CDH18: variants seen among roughly 807,000 people sequenced by gnomAD.
CDH18 encodes the protein cadherin 18, also known as cadherin-18.
In CDH18, 31 loss-of-function variants were observed where a neutral mutation model predicts 67.9. That is an observed-to-expected ratio of 0.46 (90% CI 0.34 to 0.62). The LOEUF is 0.62. CDH18 is among the 20% of genes least tolerant of loss of function. The probability of loss-of-function intolerance (pLI) is 0.01; values close to 1 mark genes in which losing one functional copy is unlikely to be tolerated. For missense variants in CDH18, 890 were observed against 975.5 expected (o/e 0.91, Z 1.17); for synonymous variants, 362 against 347.2 (o/e 1.04, Z -0.48).
chr5:20,290,698 AT>A (rs1236644453), intron 1 of CDH18, among the ~76,000 whole-genome samples: 5 of 152,180 alleles, frequency 3.3e-5, no homozygotes, highest in Non-Finnish European at 7.3e-5. Context: ...CAAAGGTGAT[AT>A]GTTCAAAGCC....
chr5:19,507,212 C>G (rs1366585905), intron 10 of CDH18, among the ~76,000 whole-genome samples: 1 of 152,140 alleles, frequency 6.6e-6, no homozygotes, highest in Non-Finnish European at 1.5e-5. Flanking sequence ...GAGATACCAT[C>G]TCACCCCAGT....
At chr5:20,110,325 T>C (rs982968959) in intron 2 of CDH18, among the ~76,000 whole-genome samples, 1 of 152,230 alleles carries the variant, frequency 6.6e-6, no homozygotes, top group Non-Finnish European at 1.5e-5. Context: ...TAGAAACATA[T>C]GTTTTTGGCC....
intron 1 of CDH18, chr5:20,331,481 C>T (rs1739180335): frequency 6.6e-6 from 1 of 152,158 alleles, no homozygotes; most frequent in Non-Finnish European, 1.5e-5. Context: ...CAATTCGGGC[C>T]TATAAAAGTG....
chr5:20,003,492 TA>T (rs973043785), intron 2 of CDH18, among the ~76,000 whole-genome samples: 1 of 152,008 alleles, frequency 6.6e-6, no homozygotes, highest in African/African-American at 2.4e-5. Flanking sequence ...CCCATCTTTT[TA>T]AAAAAAATGT....
intron 2 of CDH18, among the ~76,000 whole-genome samples, chr5:20,097,385 C>T (rs941030873): frequency 2.0e-5 from 3 of 152,082 alleles, no homozygotes; most frequent in Non-Finnish European, 4.4e-5. Context: ...TAAGTGGTGA[C>T]AGGCAAGAGA....
chr5:20,311,012 C>T (rs889701580), intron 1 of CDH18, among the ~76,000 whole-genome samples: 1 of 152,010 alleles, frequency 6.6e-6, no homozygotes, highest in Non-Finnish European at 1.5e-5. Context: ...AAAGATCATC[C>T]TTGAATAGTT....
intron 2 of CDH18, among the ~76,000 whole-genome samples, chr5:20,192,064 G>A (rs2126720653): frequency 6.6e-6 from 1 of 152,172 alleles, no homozygotes; most frequent in South Asian, 2.1e-4. Context: ...ATTGGCGTGA[G>A]ATGGTATCTC....
intron 2 of CDH18, among the ~76,000 whole-genome samples, chr5:19,970,015 A>G (rs1373246842): frequency 2.6e-5 from 4 of 151,964 alleles, no homozygotes; most frequent in Admixed American, 1.3e-4. Flanking sequence ...AGACCCGATT[A>G]GAGGTTAAAG....
intron 3 of CDH18, among the ~76,000 whole-genome samples, chr5:19,771,572 T>A (rs183169431): frequency 2.6e-5 from 4 of 152,324 alleles, no homozygotes; most frequent in East Asian, 3.9e-4. Context: ...TGAGAGTTCC[T>A]GAAACAGAGG....
At chr5:20,002,799 C>T (rs950932529) in intron 2 of CDH18, among the ~76,000 whole-genome samples, 1 of 152,124 alleles carries the variant, frequency 6.6e-6, no homozygotes, top group Non-Finnish European at 1.5e-5. Context: ...TGCTGCCATC[C>T]ACAATCTGTT....
At chr5:20,445,591 T>C (rs1749940535) in intron 1 of CDH18, among the ~76,000 whole-genome samples, 1 of 152,128 alleles carries the variant, frequency 6.6e-6, no homozygotes, top group African/African-American at 2.4e-5. Flanking sequence ...TAAGACTGAA[T>C]GTGAAATTTC....
At chr5:20,208,747 T>C (rs1740114689) in intron 2 of CDH18, among the ~76,000 whole-genome samples, 1 of 152,000 alleles carries the variant, frequency 6.6e-6, no homozygotes, top group Non-Finnish European at 1.5e-5. Context: ...AAAATGCTTC[T>C]GCACAGCCAA....
chr5:20,502,074 A>G (rs1754367976), intron 1 of CDH18, among the ~76,000 whole-genome samples: 2 of 152,114 alleles, frequency 1.3e-5, no homozygotes, highest in Non-Finnish European at 2.9e-5. Flanking sequence ...ACCATTGTTC[A>G]GAAATGTTCC....
chr5:19,981,067 C>A lies in CDH18; in HGVS notation c.-264G>T, dbSNP rs1798981843. The A allele has an allele frequency of 6.6e-6, 1 of 152,168 alleles. No individual in the cohort carries two copies. Among genetic ancestry groups the A allele is most frequent in the Non-Finnish European group, 1.5e-5 (1 of 68,046 alleles). 9.4% of individuals were successfully genotyped at this position (152,168 alleles called of 1,614,324 possible). A position where few individuals can be genotyped will look rare whatever the true frequency, so the allele number is the denominator to read the frequency against. ...ATAAATACAGAATCAAACCTTTTCT[C>A]TCAATCTCCACTGCTGTCACTCTGC... is the stretch of plus-strand genomic sequence containing the variant. On this transcript the variant is annotated 5_prime_UTR_variant, in exon 2 of 13. Transcript: ENST00000382275.
At chr5:19,875,355 G>A (rs1463562851) in intron 2 of CDH18, among the ~76,000 whole-genome samples, 1 of 151,956 alleles carries the variant, frequency 6.6e-6, no homozygotes, top group Non-Finnish European at 1.5e-5. Context: ...GGGAATCCCA[G>A]GCTTTGTACT....
chr5:19,680,014 G>T (rs1234831995), intron 5 of CDH18, among the ~76,000 whole-genome samples: 2 of 151,882 alleles, frequency 1.3e-5, no homozygotes, highest in Non-Finnish European at 2.9e-5. Flanking sequence ...AAAGCCAGAG[G>T]TATCCCATTA....
chr5:19,857,622 A>C (rs756352006), intron 2 of CDH18, among the ~76,000 whole-genome samples: 2 of 152,144 alleles, frequency 1.3e-5, no homozygotes, highest in Non-Finnish European at 2.9e-5. Context: ...AGGTTTTTAA[A>C]TAACACTGCA....
chr5:20,308,281 G>A (rs906046485), intron 1 of CDH18, among the ~76,000 whole-genome samples: 5 of 151,940 alleles, frequency 3.3e-5, no homozygotes, highest in Admixed American at 2.0e-4. Context: ...GGTGGCTCAC[G>A]ACTGTAATCC....
At chr5:19,664,939 G>A (rs983807600) in intron 5 of CDH18, among the ~76,000 whole-genome samples, 2 of 151,872 alleles carry the variant, frequency 1.3e-5, no homozygotes, top group Non-Finnish European at 2.9e-5. Context: ...CGGACTTCAT[G>A]AATATATTTG....
Sources: allele counts gnomAD v4.1 joint callset (sites outside exome capture counted in the v4.1 genomes callset), GRCh38; gene constraint gnomAD v4.1.1; transcripts MANE v1.5; gene names NCBI Gene and HGNC (gene_info 2026-07-23, HGNC 2026-07-21).